The following DENND11 variants were observed in gnomAD, a reference collection of about 807,000 sequenced individuals.
DENND11 encodes the protein DENN domain containing 11, also known as DENN domain-containing protein 11.
DENND11 carries 34 observed loss-of-function variants against 49.2 expected under a neutral mutation model. That is an observed-to-expected ratio of 0.69 (90% CI 0.53 to 0.92). DENND11 has a LOEUF of 0.92. DENND11 is among the 40% of genes least tolerant of loss of function. DENND11 has a pLI of 0.00. For missense variants in DENND11, 475 were observed against 581.6 expected (o/e 0.82, Z 1.88); for synonymous variants, 238 against 230.3 (o/e 1.03, Z -0.30).
intron 7 of DENND11, among the ~76,000 whole-genome samples, chr7:141,664,643 G>T (rs1797858622): frequency 6.6e-6 from 1 of 152,200 alleles, no homozygotes; most frequent in East Asian, 1.9e-4. Context: ...GGCAGCTAAG[G>T]TAATTTCCAC....
At chr7:141,665,589 C>G (rs923137838) in intron 5 of DENND11, among the ~76,000 whole-genome samples, 5 of 152,122 alleles carry the variant, frequency 3.3e-5, no homozygotes, top group African/African-American at 1.2e-4. Context: ...TTGACCTTGT[C>G]AGAACTCCGG....
At chr7:141,701,373 C>CTCAGGGCGCTCGCCCG (rs1798511122) in intron 1 of DENND11, among the ~76,000 whole-genome samples, 1 of 107,856 alleles carries the variant, frequency 9.3e-6, no homozygotes, top group African/African-American at 3.5e-5. Flanking sequence ...GAGCGGGGAG[C>CTCAGGGCGCTCGCCCG]GGGGGACGGG....
intron 3 of DENND11, among the ~76,000 whole-genome samples, chr7:141,685,029 A>ATATATAT (rs1554410117): frequency 2.2e-5 from 2 of 91,544 alleles, no homozygotes; most frequent in African/African-American, 8.6e-5. Context: ...AAAAAAAAAA[A>ATATATAT]ATATATATAT....
intron 3 of DENND11, among the ~76,000 whole-genome samples, chr7:141,684,309 T>C (rs1445960703): frequency 6.6e-6 from 1 of 152,234 alleles, no homozygotes; most frequent in Non-Finnish European, 1.5e-5. Context: ...TAATTGTTTT[T>C]CTTAATTTTG....
intron 1 of DENND11, among the ~76,000 whole-genome samples, chr7:141,687,224 C>T (rs921535446): frequency 4.6e-5 from 7 of 152,114 alleles, no homozygotes; most frequent in Non-Finnish European, 1.0e-4. Context: ...ACTCTGTTTC[C>T]CCTCCTCTCT....
At position 141,674,173 on chromosome 7, in the gene DENND11, T is replaced by C. The variant is rs1460044654; in HGVS notation, c.575A>G (p.Tyr192Cys). The C allele has an allele frequency of 1.9e-6, 3 of 1,558,920 alleles. No individual in the cohort carries two copies. Among genetic ancestry groups the C allele is most frequent in the African/African-American group, 1.4e-5 (1 of 73,138 alleles). ...PGHYSHLAAF[Y>C]EDKKGVLHAG... The stretch of plus-strand genomic sequence containing the variant: ...ATGGAGCACCCCCTTTTTGTCCTCA[T>C]AGAAGGCAGCCAGATGAGAGTAATG... Residue 192 changes from tyrosine (Y) to cysteine (C), a missense_variant, in exon 4 of 9, where the codon TAT becomes TGT. Physicochemically the swap from Tyr to Cys is radical, Grantham distance 194 (BLOSUM62 -2). Transcript: ENST00000536163.
intron 1 of DENND11, among the ~76,000 whole-genome samples, chr7:141,690,123 G>T (rs915063281): frequency 1.3e-5 from 2 of 152,194 alleles, no homozygotes. Context: ...GCATCTGTAA[G>T]GTCAGTGCAG....
At chr7:141,676,846 C>T (rs1399909513) in intron 3 of DENND11, among the ~76,000 whole-genome samples, 2 of 152,144 alleles carry the variant, frequency 1.3e-5, no homozygotes, top group Non-Finnish European at 1.5e-5. Context: ...GCATGCCAAA[C>T]CACCTATGGA....
chr7:141,660,125 A>G lies in DENND11; in HGVS notation c.*2531T>C, dbSNP rs1279000621. The G allele has an allele frequency of 6.6e-6, 1 of 152,244 alleles. No individual in the cohort carries two copies. The highest frequency in any genetic ancestry group is 6.5e-5 in the Admixed American group (1 of 15,286). The allele number at this position is 152,244 out of a possible 1,614,324, so 9.4% of individuals were successfully genotyped here. On this transcript the variant is annotated 3_prime_UTR_variant, in exon 9 of 9. Coordinates refer to ENST00000536163, the MANE Select transcript of DENND11 (RefSeq NM_001080392.2). ...CATAGCCCAGGCAAGACATACTCTG[A>G]GGATGCTCAACAGTGGCAAAGGTAA... is the stretch of plus-strand genomic sequence containing the variant.
chr7:141,677,148 G>A (rs1039383780), intron 3 of DENND11, among the ~76,000 whole-genome samples: 1 of 152,050 alleles, frequency 6.6e-6, no homozygotes, highest in Admixed American at 6.6e-5. Context: ...TGAACAGGCC[G>A]GGCGTGGTGG....
intron 1 of DENND11, among the ~76,000 whole-genome samples, chr7:141,696,656 T>C (rs1021427704): frequency 1.3e-5 from 2 of 152,210 alleles, no homozygotes; most frequent in Non-Finnish European, 2.9e-5. Flanking sequence ...ACATATGCCC[T>C]GATTGTAATC....
rs148488293 is a variant in DENND11 at position 141,674,202 on chromosome 7, T to A, written c.546A>T (p.Pro182=). 420 of 1,546,446 alleles carry A rather than the reference T, an allele frequency of 2.7e-4. No homozygotes were observed. In the African/African-American group the frequency reaches 5.2e-3, roughly 19 times the overall value. The change falls in exon 4 of 9, where the codon CCA becomes CCT. Residue 182 remains proline (P), a synonymous_variant. Coordinates refer to ENST00000536163, the MANE Select transcript of DENND11 (RefSeq NM_001080392.2). The part of the protein sequence containing the change: ...ENQVRHQLEM[P]GHYSHLAAFY... ...AGGCAGCCAGATGAGAGTAATGTCCTGGCATCTCCAACTGGTGCCTGCAGA... is the reference window on the plus strand; with the variant it reads ...AGGCAGCCAGATGAGAGTAATGTCCAGGCATCTCCAACTGGTGCCTGCAGA...
rs1797751029 is a variant in DENND11, at chr7:141,659,252, A to G, written c.*3404T>C. Reference sequence around the variant, plus strand: ...AGGCAAAAGCCTTCTAATTCATTGCAATCATAATTTACTGAGGACTGTACA... The same window carrying G: ...AGGCAAAAGCCTTCTAATTCATTGCGATCATAATTTACTGAGGACTGTACA... On this transcript the variant is annotated 3_prime_UTR_variant, in exon 9 of 9. Transcript: ENST00000536163. The G allele has an allele frequency of 6.6e-6, 1 of 152,236 alleles. No individual in the cohort carries two copies. Among genetic ancestry groups the G allele is most frequent in the African/African-American group, 2.4e-5 (1 of 41,456 alleles). The allele number at this position is 152,236 out of a possible 1,614,324, so 9.4% of individuals were successfully genotyped here. A position where few individuals can be genotyped will look rare whatever the true frequency, so the allele number is the denominator to read the frequency against.
In DENND11 at chr7:141,665,006, T is replaced by C. The variant is rs1797869232; in HGVS notation, c.1001A>G (p.Tyr334Cys). The change falls in exon 7 of 9, where the codon TAC (tyrosine) becomes TGC (cysteine). Residue 334 changes from tyrosine (Y) to cysteine (C), a missense_variant. Physicochemically the swap from Tyr to Cys is radical, Grantham distance 194. Coordinates refer to ENST00000536163, the MANE Select transcript of DENND11 (RefSeq NM_001080392.2). Reference protein sequence around the residue: ...FEEKRELYDVYVDNQNVKTHH... With the variant: ...FEEKRELYDVCVDNQNVKTHH... The stretch of plus-strand genomic sequence containing the variant: ...TGTCTTCACATTCTGGTTATCCACG[T>C]AGACGTCATACAGCTCCCGCTTCTC... 3 of 1,613,928 alleles carry C rather than the reference T, an allele frequency of 1.9e-6. No individual in the cohort carries two copies. Among genetic ancestry groups the C allele is most frequent in the Non-Finnish European group, 1.7e-6 (2 of 1,179,858 alleles).
At chr7:141,687,292 T>C (rs565906117) in intron 1 of DENND11, among the ~76,000 whole-genome samples, 55 of 152,164 alleles carry the variant, frequency 3.6e-4, no homozygotes, top group Non-Finnish European at 6.5e-4. Context: ...TTCCAGAATT[T>C]TGGGACTCAT....
At chr7:141,692,593 G>A (rs1798344506) in intron 1 of DENND11, among the ~76,000 whole-genome samples, 1 of 152,058 alleles carries the variant, frequency 6.6e-6, no homozygotes, top group Admixed American at 6.6e-5. Context: ...AATGAAACTA[G>A]ACACCTACTT....
At chr7:141,701,865 T>G in intron 1 of DENND11, 21 bp downstream of exon 1, 1 of 1,166,228 alleles carries the variant, frequency 8.6e-7, no homozygotes, top group Non-Finnish European at 1.1e-6. Context: ...CCCACGCGCC[T>G]GGCCCCGGCG....
rs1303796819 is a variant in DENND11, at chr7:141,660,861, CAT to C, written c.*1793_*1794del. The C allele has an allele frequency of 6.6e-6, 1 of 152,466 alleles. No homozygotes were observed. Among genetic ancestry groups the C allele is most frequent in the Non-Finnish European group, 1.5e-5 (1 of 68,002 alleles). The allele number at this position is 152,466 out of a possible 1,614,324, so 9.4% of individuals were successfully genotyped here. A position where few individuals can be genotyped will look rare whatever the true frequency, so the allele number is the denominator to read the frequency against. On this transcript the variant is annotated 3_prime_UTR_variant, in exon 9 of 9. Coordinates refer to ENST00000536163, the MANE Select transcript of DENND11 (RefSeq NM_001080392.2). The stretch of plus-strand genomic sequence containing the variant: ...CACAGATTTTTTTTTCTTTTGTAAA[CAT>C]ACACATTACTGAAATGACAGCAACC...
intron 6 of DENND11, 42 bp downstream of exon 6, chr7:141,665,145 C>G: frequency 6.2e-7 from 1 of 1,611,996 alleles, no homozygotes; most frequent in Non-Finnish European, 8.5e-7. Flanking sequence ...AGGAGCAGGG[C>G]TGGGACCTGA....
Sources: gnomAD v4.1 joint callset for allele counts (sites outside exome capture counted in the v4.1 genomes callset) on GRCh38, gnomAD v4.1.1 for gene constraint, MANE v1.5 for transcripts, NCBI Gene and HGNC (gene_info 2026-07-23, HGNC 2026-07-21) for gene names.